Variants in IGSF10 observed in about 807,000 individuals in gnomAD.
IGSF10 encodes immunoglobulin superfamily member 10.
IGSF10 carries 126 observed loss-of-function variants against 128.2 expected under a neutral mutation model. The observed-to-expected ratio is 0.98, with a 90% CI of 0.85 to 1.14. IGSF10 has a LOEUF of 1.14. Among genes scored for constraint, IGSF10 ranks in the 50% most tolerant of loss-of-function variants. IGSF10 has a pLI of 0.00. For synonymous variants in IGSF10, 1,185 were observed against 1,146.2 expected, an observed-to-expected ratio of 1.03 and a Z score of -0.68; for missense variants, 3,295 against 3,149.8, an observed-to-expected ratio of 1.05 and a Z score of -1.10.
the IGSF10 span, among the ~76,000 whole-genome samples, chr3:151,524,352 A>G: frequency 6.6e-6 from 1 of 152,162 alleles, no homozygotes; most frequent in African/African-American, 2.4e-5. Context: ...AGCACTATTC[A>G]CAATAGCAAA....
Position 151,449,200 on chromosome 3 carries a change from G to C in IGSF10, c.781C>G (p.Pro261Ala), listed in dbSNP as rs748418112. Residue 261 changes from proline to alanine, a missense_variant, in exon 6 of 8, where the codon CCT becomes GCT. Coordinates refer to ENST00000282466, the MANE Select transcript of IGSF10 (RefSeq NM_178822.5). ...SAQQCPLCMN[P>A]RTSKGKPLAM... Reference sequence around the variant, plus strand: ...AACGGCTTGCCTTTAGAAGTCCTAGGGTTCATGCAAAGTGGACACTGCTGA... The same window carrying C: ...AACGGCTTGCCTTTAGAAGTCCTAGCGTTCATGCAAAGTGGACACTGCTGA... 1.2e-6 allele frequency: 2 copies of C among 1,613,976 alleles called. No homozygotes were observed. Among genetic ancestry groups the C allele is most frequent in the South Asian group, 2.2e-5 (2 of 91,076 alleles).
In IGSF10 at chr3:151,443,080, C is replaced by A; in HGVS notation, c.5867G>T (p.Gly1956Val). The change falls in exon 7 of 8, where the codon GGG becomes GTG. Residue 1956 changes from glycine (G) to valine (V), a missense_variant. By Grantham distance (109) the Gly-to-Val change is moderately radical. Transcript: ENST00000282466. ...ASQKRTEVNFGDKLLLNCSAT... is the reference protein window; with the variant it reads ...ASQKRTEVNFVDKLLLNCSAT... ...TGAGCAGTTCAGTAGTAATTTGTCC[C>A]CAAAATTCACTTCAGTCCTTTTCTG... is the stretch of plus-strand genomic sequence containing the variant. The A allele has an allele frequency of 6.2e-7, 1 of 1,614,166 alleles. No homozygotes were observed. The highest frequency in any genetic ancestry group is 8.5e-7 in the Non-Finnish European group (1 of 1,180,030).
chr3:151,531,992 G>A, the IGSF10 span, among the ~76,000 whole-genome samples: 2 of 151,662 alleles, frequency 1.3e-5, no homozygotes, highest in African/African-American at 4.8e-5. Context: ...ATGATAAAGG[G>A]GATATCACCA....
Position 151,437,028 on chromosome 3 carries a change from A to G in IGSF10, c.7533T>C (p.Ser2511=), listed in dbSNP as rs1720343966. ...RGNYICKAQN[S]VGHTLITVPV... The stretch of plus-strand genomic sequence containing the variant: ...GAACAGTAATCAGTGTATGACCAAC[A>G]CTATTTTGAGCCTTACAGATATAGT... The change falls in exon 8 of 8, where the codon AGT becomes AGC. Residue 2511 remains serine (S), a synonymous_variant. Coordinates refer to ENST00000282466, the MANE Select transcript of IGSF10 (RefSeq NM_178822.5). The G allele has an allele frequency of 6.2e-7, 1 of 1,614,206 alleles. No homozygotes were observed. Among genetic ancestry groups the G allele is most frequent in the Non-Finnish European group, 8.5e-7 (1 of 1,180,036 alleles).
downstream of IGSF10, chr3:151,436,100 TGCATTTATTTTTAAATGCA>T (rs1308496489): frequency 2.0e-5 from 3 of 152,332 alleles, no homozygotes; most frequent in Non-Finnish European, 4.4e-5. Context: ...AAAGTGAGCC[TGCATTTATTTTTAAATGCA>T]GTTATTAAAA....
At chr3:151,571,324 T>C in the IGSF10 span, among the ~76,000 whole-genome samples, 2 of 152,172 alleles carry the variant, frequency 1.3e-5, no homozygotes, top group Non-Finnish European at 2.9e-5. Flanking sequence ...CCTTGGACAG[T>C]ATGGCCATTT....
the IGSF10 span, among the ~76,000 whole-genome samples, chr3:151,520,127 AAC>A: frequency 6.6e-6 from 1 of 151,822 alleles, no homozygotes; most frequent in African/African-American, 2.4e-5. Flanking sequence ...TAGCTTACAA[AAC>A]ACACTCTGGT....
chr3:151,484,729 C>CAAAAAAAAA, the IGSF10 span, among the ~76,000 whole-genome samples: 5 of 131,642 alleles, frequency 3.8e-5, no homozygotes, highest in Non-Finnish European at 6.4e-5. Context: ...GGAAAACTGA[C>CAAAAAAAAA]AAAAAAAAAA....
the IGSF10 span, among the ~76,000 whole-genome samples, chr3:151,539,052 C>T: frequency 2.0e-5 from 3 of 152,140 alleles, no homozygotes; most frequent in Non-Finnish European, 4.4e-5. Flanking sequence ...AAATTTCTGG[C>T]AGATGGCGAT....
At chr3:151,451,403 A>C (rs921070855) in intron 5 of IGSF10, among the ~76,000 whole-genome samples, 11 of 152,106 alleles carry the variant, frequency 7.2e-5, no homozygotes, top group African/African-American at 2.7e-4. Context: ...TTGTTTACTT[A>C]TCTGTCTTCC....
intron 2 of IGSF10, among the ~76,000 whole-genome samples, 151 bp downstream of exon 2, chr3:151,460,110 A>G (rs1721983215): frequency 6.6e-6 from 1 of 152,236 alleles, no homozygotes; most frequent in Non-Finnish European, 1.5e-5. Context: ...GGATGAAGGT[A>G]ATTCTCTCGT....
In IGSF10 at chr3:151,443,648, A is replaced by C; in HGVS notation, c.5299T>G (p.Cys1767Gly). 1.2e-6 allele frequency: 2 copies of C among 1,614,228 alleles called. No homozygotes were observed. The highest frequency in any genetic ancestry group is 1.7e-6 in the Non-Finnish European group (2 of 1,180,044). ...VHSGSTVELK[C>G]RAEGRPSPTV... Reference sequence around the variant, plus strand: ...GGGCTTGGCCTACCTTCTGCTCTGCACTTCAGTTCCACAGTGCTTCCGGAA... The same window carrying C: ...GGGCTTGGCCTACCTTCTGCTCTGCCCTTCAGTTCCACAGTGCTTCCGGAA... Residue 1767 changes from cysteine to glycine, a missense_variant, in exon 7 of 8, where the codon TGC becomes GGC. By Grantham distance (159) the Cys-to-Gly change is radical. Coordinates refer to ENST00000282466, the MANE Select transcript of IGSF10 (RefSeq NM_178822.5).
chr3:151,508,493 A>C, the IGSF10 span, among the ~76,000 whole-genome samples: 1 of 152,162 alleles, frequency 6.6e-6, no homozygotes, highest in Non-Finnish European at 1.5e-5. Flanking sequence ...ATGCTGTCTT[A>C]GGTCTTTTGA....
At chr3:151,558,709 C>T in the IGSF10 span, among the ~76,000 whole-genome samples, 6 of 152,044 alleles carry the variant, frequency 3.9e-5, no homozygotes, top group African/African-American at 1.4e-4. Flanking sequence ...AAGGAGGTCA[C>T]ACACTGAAAT....
upstream of IGSF10, among the ~76,000 whole-genome samples, chr3:151,465,594 T>TA (rs2108590374): frequency 6.6e-6 from 1 of 152,332 alleles, no homozygotes; most frequent in East Asian, 1.9e-4. Context: ...ATATAACATA[T>TA]TAGTGAATAC....
the IGSF10 span, among the ~76,000 whole-genome samples, chr3:151,495,340 T>C: frequency 1.3e-5 from 2 of 152,212 alleles, no homozygotes; most frequent in South Asian, 4.2e-4. Flanking sequence ...AAAGTAAAAA[T>C]AGCACAAATG....
the IGSF10 span, among the ~76,000 whole-genome samples, chr3:151,550,801 T>A: frequency 6.6e-6 from 1 of 152,184 alleles, no homozygotes; most frequent in Non-Finnish European, 1.5e-5. Context: ...GAGTTGATCC[T>A]ATCATTTCTT....
chr3:151,453,746 C>A lies in IGSF10; in HGVS notation c.353G>T (p.Arg118Leu), dbSNP rs147782448. 6.3e-7 allele frequency: 1 copy of A among 1,575,518 alleles called. No individual in the cohort carries two copies. ...QVLKMSYNKV[R>L]KLQKDTFYGL... ...ATAAAAAGTATCTTTCTGAAGTTTT[C>A]GGACTTTATTATAGCTCATTTTTAA... The change falls in exon 5 of 8, where the codon CGA (arginine) becomes CTA (leucine). Residue 118 changes from arginine to leucine, a missense_variant. Arg to Leu is a moderately radical substitution (Grantham distance 102, BLOSUM62 -2). Coordinates refer to ENST00000282466, the MANE Select transcript of IGSF10 (RefSeq NM_178822.5).
the IGSF10 span, among the ~76,000 whole-genome samples, chr3:151,617,260 C>CTCTTCTTCTTCT: frequency 5.7e-3 from 318 of 55,738 alleles, 8 homozygotes; most frequent in South Asian, 7.7e-3. Flanking sequence ...TCTTCTCCTT[C>CTCTTCTTCTTCT]TCTTCTTCTT....
Sources: allele counts gnomAD v4.1 joint callset (sites outside exome capture counted in the v4.1 genomes callset), GRCh38; gene constraint gnomAD v4.1.1; transcripts MANE v1.5; gene names NCBI Gene and HGNC (gene_info 2026-07-23, HGNC 2026-07-21).